Variants in SUGCT observed in about 807,000 individuals in gnomAD.
SUGCT encodes succinyl-CoA:glutarate CoA-transferase.
In SUGCT, 41 loss-of-function variants were observed where a neutral mutation model predicts 55.0. The ratio of observed to expected loss-of-function variants is 0.74; its 90% confidence interval spans 0.58 to 0.97. The LOEUF is 0.97. SUGCT is among the 50% of genes least tolerant of loss of function. The pLI, the probability that SUGCT is intolerant of heterozygous loss-of-function variation, is 0.00. For synonymous variants in SUGCT, 187 were observed against 200.4 expected, an observed-to-expected ratio of 0.93 and a Z score of 0.56; for missense variants, 568 against 547.8, an observed-to-expected ratio of 1.04 and a Z score of -0.37.
the SUGCT span, among the ~76,000 whole-genome samples, chr7:40,884,982 C>A: frequency 6.6e-6 from 1 of 152,124 alleles, no homozygotes; most frequent in African/African-American, 2.4e-5. Flanking sequence ...CTTGCCTGGC[C>A]TCTCTAAACC....
intron 12 of SUGCT, among the ~76,000 whole-genome samples, chr7:40,732,685 T>TA (rs1347831268): frequency 6.6e-6 from 1 of 152,174 alleles, no homozygotes; most frequent in African/African-American, 2.4e-5. Flanking sequence ...CTCTCCCTGA[T>TA]ACTTAAGCAG....
chr7:40,749,426 CT>C lies in SUGCT; in HGVS notation c.1090-4del. 6.2e-7 allele frequency: 1 copy of C among 1,612,210 alleles called. No individual in the cohort carries two copies. Among genetic ancestry groups the C allele is most frequent in the Middle Eastern group, 1.7e-4 (1 of 6,052 alleles). On this transcript the variant is annotated splice_region_variant and splice_polypyrimidine_tract_variant and intron_variant, in intron 12 of 13. Transcript: ENST00000335693. Reference sequence around the variant, plus strand: ...AAATTATTTTTCTCTCTGTTTTTGCCTTTTCAGGTATTACACAATGGCCTCG... The same window carrying C: ...AAATTATTTTTCTCTCTGTTTTTGCCTTTCAGGTATTACACAATGGCCTCG...
At chr7:40,688,225 T>C (rs1482450663) in intron 12 of SUGCT, among the ~76,000 whole-genome samples, 2 of 152,182 alleles carry the variant, frequency 1.3e-5, no homozygotes, top group Middle Eastern at 3.2e-3. Flanking sequence ...AATGTTGCAG[T>C]TGAAGCCATT....
intron 9 of SUGCT, among the ~76,000 whole-genome samples, chr7:40,406,190 A>T (rs2151331460): frequency 6.6e-6 from 1 of 152,272 alleles, no homozygotes; most frequent in South Asian, 2.1e-4. Flanking sequence ...AGATGAGATG[A>T]TACAGTGTAC....
chr7:40,671,787 A>G (rs1801952310), intron 12 of SUGCT, among the ~76,000 whole-genome samples: 1 of 152,194 alleles, frequency 6.6e-6, no homozygotes, highest in Admixed American at 6.5e-5. Flanking sequence ...ATTCATATAT[A>G]AGTTTCATGG....
the SUGCT span, among the ~76,000 whole-genome samples, chr7:40,927,059 T>G: frequency 6.6e-6 from 1 of 152,312 alleles, no homozygotes; most frequent in South Asian, 2.1e-4. Context: ...AAACATATTT[T>G]GTGACTGGAA....
At chr7:40,898,677 T>A in the SUGCT span, among the ~76,000 whole-genome samples, 1 of 150,998 alleles carries the variant, frequency 6.6e-6, no homozygotes, top group African/African-American at 2.4e-5. Context: ...TGAGCAGAGA[T>A]CGCGCCGCGA....
intron 9 of SUGCT, among the ~76,000 whole-genome samples, chr7:40,379,170 ATCTG>A (rs996895610): frequency 3.9e-5 from 6 of 152,190 alleles, no homozygotes; most frequent in Non-Finnish European, 7.3e-5. Context: ...AAGGAACTGA[ATCTG>A]TCCTATAGCT....
intron 9 of SUGCT, among the ~76,000 whole-genome samples, chr7:40,405,862 T>G: frequency 6.6e-6 from 1 of 151,816 alleles, no homozygotes; most frequent in Non-Finnish European, 1.5e-5. Flanking sequence ...TAGTTTCAAT[T>G]TATGAAATCC....
chr7:40,690,273 A>G (rs1386613324), intron 12 of SUGCT, among the ~76,000 whole-genome samples: 1 of 152,136 alleles, frequency 6.6e-6, no homozygotes, highest in East Asian at 1.9e-4. Context: ...ATATATGATT[A>G]AGAATATTTT....
At chr7:40,624,772 A>AAC (rs71791486) in intron 12 of SUGCT, among the ~76,000 whole-genome samples, 2,554 of 137,352 alleles carry the variant, frequency 0.019, 19 homozygotes, top group Middle Eastern at 0.031. Context: ...TTTCTGTGCA[A>AAC]ACACACACAC....
intron 9 of SUGCT, among the ~76,000 whole-genome samples, chr7:40,389,724 G>T (rs939712479): frequency 7.2e-5 from 11 of 152,142 alleles, no homozygotes; most frequent in Non-Finnish European, 1.6e-4. Flanking sequence ...TATAAATAGT[G>T]GCAAAGTAAT....
At chr7:40,918,460 C>CAAAA in the SUGCT span, among the ~76,000 whole-genome samples, 42 of 101,924 alleles carry the variant, frequency 4.1e-4, no homozygotes, top group Middle Eastern at 5.5e-3. Context: ...GACTCTGTCT[C>CAAAA]AAAAAAAAAA....
the SUGCT span, among the ~76,000 whole-genome samples, chr7:40,894,864 G>A: frequency 6.6e-6 from 1 of 152,274 alleles, no homozygotes; most frequent in East Asian, 1.9e-4. Context: ...CTGCTGGTGG[G>A]AATATAAATT....
chr7:40,744,980 C>A (rs1787658157), intron 12 of SUGCT, among the ~76,000 whole-genome samples: 1 of 152,164 alleles, frequency 6.6e-6, no homozygotes, highest in Admixed American at 6.5e-5. Context: ...ATTTATATGA[C>A]TGTGTTATGA....
chr7:40,223,740 A>G (rs1173715713), intron 6 of SUGCT, among the ~76,000 whole-genome samples: 1 of 152,126 alleles, frequency 6.6e-6, no homozygotes, highest in Non-Finnish European at 1.5e-5. Flanking sequence ...TATTTACTTG[A>G]GTTACTTTTA....
rs34213451 is a variant in SUGCT, at chr7:40,804,571, G to GA, written c.1153+55087dup. 7.0e-3 allele frequency among the ~76,000 whole-genome samples: 1,012 copies of GA among 144,876 alleles called. 7 individuals carry two copies. The highest frequency in any genetic ancestry group is 0.019 in the African/African-American group (744 of 38,810). On this transcript the variant is annotated intron_variant, in intron 13 of 13. Coordinates refer to ENST00000335693, the MANE Select transcript of SUGCT (RefSeq NM_001193313.2). The stretch of plus-strand genomic sequence containing the variant: ...ACTGTCCGGGCCATTACCCTTCTCA[G>GA]AAAAAAAAAAAAATACTTTCAATGC...
At chr7:40,605,693 G>C (rs542209349) in intron 12 of SUGCT, among the ~76,000 whole-genome samples, 9 of 152,214 alleles carry the variant, frequency 5.9e-5, no homozygotes, top group African/African-American at 1.2e-4. Flanking sequence ...AATTGCGAGG[G>C]AAACACAGAG....
At chr7:40,885,724 C>T in the SUGCT span, among the ~76,000 whole-genome samples, 8,306 of 152,132 alleles carry the variant, frequency 0.055, 335 homozygotes, top group Non-Finnish European at 0.086. Flanking sequence ...TGGGGTGAGA[C>T]CTGCTGGGAG....
Sources: allele counts gnomAD v4.1 joint callset (sites outside exome capture counted in the v4.1 genomes callset), GRCh38; gene constraint gnomAD v4.1.1; transcripts MANE v1.5; gene names NCBI Gene and HGNC (gene_info 2026-07-23, HGNC 2026-07-21).